RADIL: variants seen among roughly 807,000 people sequenced by gnomAD.
RADIL encodes the protein ras-associating and dilute domain-containing protein.
RADIL carries 99 observed loss-of-function variants against 97.6 expected under a neutral mutation model. The ratio of observed to expected loss-of-function variants is 1.01; its 90% confidence interval spans 0.86 to 1.20. RADIL has a LOEUF of 1.20. Ranked by LOEUF, RADIL falls within the 50% of genes most tolerant of loss-of-function variation. The pLI, the probability that RADIL is intolerant of heterozygous loss-of-function variation, is 0.00. For synonymous variants in RADIL, 803 were observed against 691.8 expected (o/e 1.16, Z -2.52); for missense variants, 1,765 against 1,498.9 (o/e 1.18, Z -2.93).
rs745580125 is a variant in RADIL, at chr7:4,799,653, G to A, written c.3099C>T (p.Ser1033=). 3.1e-6 allele frequency: 5 copies of A among 1,601,614 alleles called. No individual in the cohort carries two copies. Among genetic ancestry groups the A allele is most frequent in the African/African-American group, 1.3e-5 (1 of 74,826 alleles). The change falls in exon 14 of 15, where the codon AGC becomes AGT. Residue 1033 remains serine, a synonymous_variant. Transcript: ENST00000399583. ...ACCTCAGGTAGCCAAGGCCCAGGAGGCTGCTGCCATTCACCTCCAGGATAC... is the reference window on the plus strand; with the variant it reads ...ACCTCAGGTAGCCAAGGCCCAGGAGACTGCTGCCATTCACCTCCAGGATAC... ...GDRILEVNGS[S]LLGLGYLRAV... is the part of the protein sequence containing the mutation.
chr7:4,834,733 G>C lies in RADIL; in HGVS notation c.1290C>G (p.Asp430Glu). The change falls in exon 4 of 15, where the codon GAC (aspartate) becomes GAG (glutamate). Residue 430 changes from aspartate to glutamate, a missense_variant. Coordinates refer to ENST00000399583, the MANE Select transcript of RADIL (RefSeq NM_018059.5). The surrounding 1 kb of genome is among the most constrained non-coding windows in gnomAD (Gnocchi z 6.0). The part of the protein sequence containing the change: ...RIMTLIEPGG[D>E]DHKLTPAFLL... ...GGAAGGCGGGGGTCAGCTTGTGGTC[G>C]TCGCCCCCCGGCTCGATCAACGTCA... 1.4e-6 allele frequency: 2 copies of C among 1,411,904 alleles called. No homozygotes were observed. The highest frequency in any genetic ancestry group is 1.9e-4 in the Middle Eastern group (1 of 5,274). 87.5% of individuals were successfully genotyped at this position (1,411,904 alleles called of 1,614,324 possible).
chr7:4,847,118 C>T (rs1783592600), intron 2 of RADIL, among the ~76,000 whole-genome samples: 2 of 151,910 alleles, frequency 1.3e-5, no homozygotes, highest in African/African-American at 4.8e-5. Flanking sequence ...GTCAGGAGTT[C>T]AAGACCAGCC....
chr7:4,809,131 C>A, intron 9 of RADIL: 1 of 985,212 alleles, frequency 1.0e-6, no homozygotes. Flanking sequence ...CGCTTCCTGG[C>A]CTCAGCGTGG....
At chr7:4,841,203 C>T (rs915207830) in intron 2 of RADIL, among the ~76,000 whole-genome samples, 3 of 152,206 alleles carry the variant, frequency 2.0e-5, no homozygotes, top group African/African-American at 7.2e-5. Flanking sequence ...CAAGACAGGC[C>T]GAGGTCAGCT....
chr7:4,818,098 G>A lies in RADIL; in HGVS notation c.1616-747C>T, dbSNP rs1782726118. Among the ~76,000 whole-genome samples, 1 of 152,208 alleles carries A rather than the reference G, an allele frequency of 6.6e-6. No individual in the cohort carries two copies. The highest frequency in any genetic ancestry group is 2.4e-5 in the African/African-American group (1 of 41,456). On this transcript the variant is annotated intron_variant, in intron 6 of 14. Coordinates refer to ENST00000399583, the MANE Select transcript of RADIL (RefSeq NM_018059.5). This position sits in a 1 kb window ranked among gnomAD's most constrained non-coding sequence, Gnocchi z 7.1. ...GGGACTGTGGGCGGCCAACCACAGT[G>A]GTGTTCCCTGTCAGCCGCGTGGGCG...
rs1017118859 is a variant in RADIL at position 4,854,781 on chromosome 7, T to G, written c.536-18176A>C. On this transcript the variant is annotated intron_variant, in intron 2 of 14. Coordinates refer to ENST00000399583, the MANE Select transcript of RADIL (RefSeq NM_018059.5). The surrounding 1 kb of genome is among the most constrained non-coding windows in gnomAD (Gnocchi z 5.1). ...TCACACATATGAAAGCATTTGTAAC[T>G]TAGACTAATAACAAAATAAACACCA... Among the ~76,000 whole-genome samples, 1 of 152,138 alleles carries G rather than the reference T, an allele frequency of 6.6e-6. No individual in the cohort carries two copies. Among genetic ancestry groups the G allele is most frequent in the Non-Finnish European group, 1.5e-5 (1 of 68,032 alleles).
intron 2 of RADIL, among the ~76,000 whole-genome samples, chr7:4,868,470 G>A (rs2115042251): frequency 6.6e-6 from 1 of 152,292 alleles, no homozygotes; most frequent in Admixed American, 6.5e-5. Context: ...GTGCAAAGCC[G>A]AAATCTTTGT....
intron 5 of RADIL, among the ~76,000 whole-genome samples, chr7:4,831,178 C>T (rs566880519): frequency 1.7e-4 from 25 of 146,596 alleles, no homozygotes; most frequent in African/African-American, 3.3e-4. Flanking sequence ...GCAACAAGAG[C>T]GAAACCCCAT....
rs1781962357 is a variant in RADIL at position 4,797,768 on chromosome 7, T to C, written c.*1610A>G. ...AGGGCAAGGCGGGCAGATCACTTGA[T>C]GTCAGTTTGAAATCAGCCTGGCCAA... On this transcript the variant is annotated 3_prime_UTR_variant, in exon 15 of 15. Coordinates refer to ENST00000399583, the MANE Select transcript of RADIL (RefSeq NM_018059.5). 6.6e-6 allele frequency: 1 copy of C among 152,080 alleles called. No homozygotes were observed. The highest frequency in any genetic ancestry group is 2.4e-5 in the African/African-American group (1 of 41,402). 9.4% of individuals were successfully genotyped at this position (152,080 alleles called of 1,614,324 possible).
In RADIL at chr7:4,875,191, CCAACAACAACAACAA is replaced by C. The variant is rs145735931; in HGVS notation, c.535+2399_535+2413del. Among the ~76,000 whole-genome samples, 570 of 110,226 alleles carry C rather than the reference CCAACAACAACAACAA, an allele frequency of 5.2e-3. 10 individuals carry two copies. Among genetic ancestry groups the C allele is most frequent in the Middle Eastern group, 0.012 (3 of 252 alleles). 72.3% of individuals were successfully genotyped at this position (110,226 alleles called of 152,430 possible). On this transcript the variant is annotated intron_variant, in intron 2 of 14. Coordinates refer to ENST00000399583, the MANE Select transcript of RADIL (RefSeq NM_018059.5). Reference sequence around the variant, plus strand: ...TGGGCGACAGAGCGAGACTCCATCTCCAACAACAACAACAACAACAACAACAACAACAACAACAAC... The same window carrying C: ...TGGGCGACAGAGCGAGACTCCATCTCCAACAACAACAACAACAACAACAAC...
At chr7:4,800,118 G>T in intron 13 of RADIL, 53 bp downstream of exon 13, 1 of 1,566,704 alleles carries the variant, frequency 6.4e-7, no homozygotes, top group Non-Finnish European at 8.6e-7. Context: ...TGCATGAACA[G>T]GCGGGGCCAG....
At chr7:4,807,387 A>C (rs1782346614) in intron 9 of RADIL, among the ~76,000 whole-genome samples, 1 of 150,876 alleles carries the variant, frequency 6.6e-6, no homozygotes, top group South Asian at 2.1e-4. Context: ...AACCTTCTCT[A>C]CTCTCACTTC....
In RADIL at chr7:4,817,276, A is replaced by G. The variant is rs765133464; in HGVS notation, c.1691T>C (p.Leu564Pro). 6.2e-7 allele frequency: 1 copy of G among 1,612,762 alleles called. No homozygotes were observed. ...EAMAVLEEVV[L>P]YAFQQCVYYV... The stretch of plus-strand genomic sequence containing the variant: ...GTAGACGCACTGCTGGAAGGCGTAC[A>G]GCACCACCTCCTCCAGCACCGCCAT... Residue 564 changes from leucine to proline, a missense_variant, in exon 7 of 15, where the codon CTG becomes CCG. Leu to Pro is a moderately conservative substitution (Grantham distance 98). Coordinates refer to ENST00000399583, the MANE Select transcript of RADIL (RefSeq NM_018059.5). The surrounding 1 kb of genome is among the most constrained non-coding windows in gnomAD (Gnocchi z 8.3).
intron 2 of RADIL, chr7:4,858,216 A>G (rs1783881921): frequency 6.6e-6 from 1 of 152,240 alleles, no homozygotes; most frequent in Non-Finnish European, 1.5e-5. Context: ...AAATTAATGC[A>G]GGACAGGAAA....
Position 4,877,833 on chromosome 7 carries a change from C to T in RADIL, c.307G>A (p.Asp103Asn). ...VKEALERYALDPRQAGQYVLC... is the reference protein window; with the variant it reads ...VKEALERYALNPRQAGQYVLC... ...ACGTACTGGCCGGCCTGCCTGGGGTCCAGGGCGTACCGCTCCAGCGCCTCC... is the reference window on the plus strand; with the variant it reads ...ACGTACTGGCCGGCCTGCCTGGGGTTCAGGGCGTACCGCTCCAGCGCCTCC... The change falls in exon 2 of 15, where the codon GAC becomes AAC. Residue 103 changes from aspartate to asparagine, a missense_variant. Coordinates refer to ENST00000399583, the MANE Select transcript of RADIL (RefSeq NM_018059.5). 6.2e-7 allele frequency: 1 copy of T among 1,607,500 alleles called. No individual in the cohort carries two copies.
chr7:4,816,576 G>T, intron 7 of RADIL, 111 bp from the exon 8 acceptor site: 1 of 823,168 alleles, frequency 1.2e-6, no homozygotes, highest in Non-Finnish European at 2.0e-6. Context: ...CAGGGACCCG[G>T]CCTCGGTAGC....
intron 14 of RADIL, 44 bp downstream of exon 14, chr7:4,799,586 G>A (rs769668975): frequency 6.2e-7 from 1 of 1,607,124 alleles, no homozygotes; most frequent in Non-Finnish European, 8.5e-7. Context: ...CCCCTGAGCA[G>A]GGCATCTGGG....
chr7:4,857,690 T>C (rs1406116454), intron 2 of RADIL: 1 of 152,640 alleles, frequency 6.6e-6, no homozygotes, highest in Admixed American at 6.5e-5. Context: ...TGAATTCATA[T>C]CTTAGATTTA....
At chr7:4,844,424 A>C (rs745436253) in intron 2 of RADIL, among the ~76,000 whole-genome samples, 3 of 152,146 alleles carry the variant, frequency 2.0e-5, no homozygotes, top group Admixed American at 6.5e-5. Context: ...CAGCCTGGCA[A>C]CAGAGTGAGA....
Sources: allele counts gnomAD v4.1 joint callset (sites outside exome capture counted in the v4.1 genomes callset), GRCh38; gene constraint gnomAD v4.1.1; non-coding constraint Gnocchi (gnomAD v3.1); transcripts MANE v1.5; gene names NCBI Gene and HGNC (gene_info 2026-07-23, HGNC 2026-07-21).